The following ZMYND11 variants were observed in gnomAD, a reference collection of about 807,000 sequenced individuals.
ZMYND11 encodes the protein zinc finger MYND-type containing 11, also known as zinc finger MYND domain-containing protein 11.
Under a neutral mutation model 84.9 loss-of-function variants are expected in ZMYND11, and 9 were observed. The ratio of observed to expected loss-of-function variants is 0.11; its 90% confidence interval spans 0.06 to 0.18. ZMYND11 has a LOEUF of 0.18. Ranked by LOEUF, ZMYND11 falls within the 10% of genes least tolerant of loss-of-function variation. The probability of loss-of-function intolerance (pLI) is 1.00; values close to 1 mark genes in which losing one functional copy is unlikely to be tolerated. For synonymous variants in ZMYND11, 250 were observed against 244.1 expected, an observed-to-expected ratio of 1.02 and a Z score of -0.23; for missense variants, 409 against 761.0, an observed-to-expected ratio of 0.54 and a Z score of 5.44.
chr10:179,842 G>T, intron 1 of ZMYND11, 152 bp from the exon 2 acceptor site: 1 of 470,824 alleles, frequency 2.1e-6, no homozygotes, highest in Admixed American at 3.9e-5. Context: ...GAAGTAACTG[G>T]TGATGTGGAT....
intron 2 of ZMYND11, among the ~76,000 whole-genome samples, chr10:200,138 G>A (rs1383415555): frequency 6.6e-6 from 1 of 150,790 alleles, no homozygotes; most frequent in East Asian, 1.9e-4. Flanking sequence ...AGAGGTTTTG[G>A]CAGGGAGGGA....
At chr10:159,911 A>T (rs1371003494) in intron 1 of ZMYND11, among the ~76,000 whole-genome samples, 2 of 152,150 alleles carry the variant, frequency 1.3e-5, no homozygotes, top group Non-Finnish European at 2.9e-5. Context: ...TAATCATATC[A>T]TAGGTGCCAT....
chr10:135,639 C>G lies in ZMYND11; in HGVS notation c.-20+80C>G, dbSNP rs1174194553. On this transcript the variant is annotated intron_variant, in intron 1 of 14. Transcript: ENST00000381604. This position sits in a 1 kb window ranked among gnomAD's most constrained non-coding sequence, Gnocchi z 5.6. ...GGCGCGGCCCGCGCGGTGGAGCCTG[C>G]CTGGCCGCGGCCTCTGGGGCGGCGG... 5 of 149,348 alleles carry G rather than the reference C, an allele frequency of 3.3e-5. No individual in the cohort carries two copies. The highest frequency in any genetic ancestry group is 9.8e-5 in the African/African-American group (4 of 40,774). The allele number at this position is 149,348 out of a possible 1,614,324, so 9.3% of individuals were successfully genotyped here.
chr10:241,309 C>T (rs1419241925), intron 9 of ZMYND11, among the ~76,000 whole-genome samples: 1 of 152,096 alleles, frequency 6.6e-6, no homozygotes, highest in Non-Finnish European at 1.5e-5. Context: ...TCCAGAGTAG[C>T]TGGGACCACA....
intron 2 of ZMYND11, among the ~76,000 whole-genome samples, chr10:187,861 C>T (rs545766832): frequency 6.6e-6 from 1 of 152,240 alleles, no homozygotes; most frequent in East Asian, 1.9e-4. Context: ...GCTAAATAAG[C>T]ACAAATAAAT....
intron 8 of ZMYND11, 148 bp from the exon 9 acceptor site, chr10:240,745 A>G (rs1222373177): frequency 1.5e-6 from 1 of 647,648 alleles, no homozygotes; most frequent in African/African-American, 1.8e-5. Flanking sequence ...CCATTTATTG[A>G]AAACTTTAAA....
chr10:138,334 C>G (rs975629037), intron 1 of ZMYND11, among the ~76,000 whole-genome samples: 3 of 152,070 alleles, frequency 2.0e-5, no homozygotes, highest in Admixed American at 1.3e-4. Flanking sequence ...TTGGCCAGGT[C>G]TCAGACTCCT....
intron 3 of ZMYND11, among the ~76,000 whole-genome samples, chr10:210,762 T>G (rs1016588322): frequency 1.3e-5 from 2 of 152,212 alleles, no homozygotes; most frequent in Non-Finnish European, 2.9e-5. Context: ...ATTTCATGTG[T>G]AATATTTCTA....
chr10:155,277 T>C (rs1340589719), intron 1 of ZMYND11, among the ~76,000 whole-genome samples: 2 of 152,178 alleles, frequency 1.3e-5, no homozygotes, highest in African/African-American at 4.8e-5. Flanking sequence ...TGAAAAACCC[T>C]GTTGTTAACA....
At chr10:235,789 G>C (rs918184825) in intron 4 of ZMYND11, among the ~76,000 whole-genome samples, 2 of 152,234 alleles carry the variant, frequency 1.3e-5, no homozygotes, top group Non-Finnish European at 2.9e-5. Flanking sequence ...GTGCAGTGCA[G>C]ACATGAGGTA....
At chr10:226,381 A>AT (rs1165618789) in intron 4 of ZMYND11, among the ~76,000 whole-genome samples, 2 of 152,110 alleles carry the variant, frequency 1.3e-5, no homozygotes, top group African/African-American at 4.8e-5. Flanking sequence ...CAAAGTGTAG[A>AT]TTTTTTTCCC....
In ZMYND11 at chr10:166,595, G is replaced by A. The variant is rs566412829; in HGVS notation, c.-19-13399G>A. On this transcript the variant is annotated intron_variant, in intron 1 of 14. Transcript: ENST00000381604. The stretch of plus-strand genomic sequence containing the variant: ...TAAAGTAAAAAATTAGGAATAATAC[G>A]TGTTGGTAAAAATGTGGAGAAATTG... Among the ~76,000 whole-genome samples, 20 of 152,164 alleles carry A rather than the reference G, an allele frequency of 1.3e-4. No homozygotes were observed. In the South Asian group the frequency reaches 3.5e-3, roughly 27 times the overall value.
chr10:222,976 T>G (rs1947394273), intron 4 of ZMYND11, among the ~76,000 whole-genome samples: 1 of 152,158 alleles, frequency 6.6e-6, no homozygotes, highest in African/African-American at 2.4e-5. Context: ...GTTTAATACT[T>G]CTTCCGTCAG....
chr10:225,497 C>T (rs975298260), intron 4 of ZMYND11, among the ~76,000 whole-genome samples: 2 of 152,142 alleles, frequency 1.3e-5, no homozygotes, highest in African/African-American at 4.8e-5. Flanking sequence ...TACGCACACA[C>T]CAGTATGTGT....
intron 2 of ZMYND11, among the ~76,000 whole-genome samples, chr10:206,069 A>G (rs372921804): frequency 1.2e-4 from 18 of 151,716 alleles, no homozygotes; most frequent in African/African-American, 4.4e-4. Flanking sequence ...ATCAACAAAT[A>G]AAAAATCAGG....
chr10:221,203 A>G lies in ZMYND11; in HGVS notation c.285A>G (p.Glu95=). ...TTTGTACTTTTTTGTAGGACTGGGA[A>G]ACAGAAAATCATGACTGGTATTGTT... The part of the protein sequence containing the change: ...YWLPGDEIDW[E]TENHDWYCFE... The change falls in exon 4 of 15, where the codon GAA becomes GAG. Residue 95 remains glutamate, a synonymous_variant. Transcript: ENST00000381604. 6.2e-7 allele frequency: 1 copy of G among 1,613,632 alleles called. No homozygotes were observed. The highest frequency in any genetic ancestry group is 8.5e-7 in the Non-Finnish European group (1 of 1,179,692).
At chr10:147,374 C>G (rs1839144890) in intron 1 of ZMYND11, among the ~76,000 whole-genome samples, 1 of 152,048 alleles carries the variant, frequency 6.6e-6, no homozygotes, top group Admixed American at 6.6e-5. Flanking sequence ...AGTATGTTGG[C>G]TCTGGGTTTG....
rs569665872 is a variant in ZMYND11, at chr10:246,820, G to C, written c.1005G>C (p.Leu335=). The C allele has an allele frequency of 6.2e-7, 1 of 1,614,164 alleles. No homozygotes were observed. The highest frequency in any genetic ancestry group is 1.1e-5 in the South Asian group (1 of 91,080). ...ATATCACAGTCAACATTCATCGGCT[G>C]CACGTGAAGCGCAGTATGGGTTGGA... is the stretch of plus-strand genomic sequence containing the variant. ...IQDITVNIHR[L]HVKRSMGWKK... The change falls in exon 11 of 15, where the codon CTG becomes CTC. Residue 335 remains leucine (L), a synonymous_variant. Transcript: ENST00000381604.
chr10:176,084 GT>G (rs1176346615), intron 1 of ZMYND11, among the ~76,000 whole-genome samples: 1 of 152,014 alleles, frequency 6.6e-6, no homozygotes, highest in Non-Finnish European at 1.5e-5. Context: ...TTATTCTTAA[GT>G]TTTTTTCTGA....
Sources: allele counts gnomAD v4.1 joint callset (sites outside exome capture counted in the v4.1 genomes callset), GRCh38; gene constraint gnomAD v4.1.1; non-coding constraint Gnocchi (gnomAD v3.1); transcripts MANE v1.5; gene names NCBI Gene and HGNC (gene_info 2026-07-23, HGNC 2026-07-21).